Variants in UTRN observed in about 807,000 individuals in gnomAD.
The protein encoded by UTRN is dystrophin-related protein 1.
Under a neutral mutation model 463.9 loss-of-function variants are expected in UTRN, and 283 were observed. The ratio of observed to expected loss-of-function variants is 0.61; its 90% CI spans 0.55 to 0.67. UTRN has a LOEUF of 0.67. UTRN is among the 30% of genes least tolerant of loss of function. The probability of loss-of-function intolerance (pLI) is 0.00; values close to 1 mark genes in which losing one functional copy is unlikely to be tolerated. For missense variants in UTRN, 3,922 were observed against 4,084.3 expected (o/e 0.96, Z 1.08); for synonymous variants, 1,442 against 1,431.5 (o/e 1.01, Z -0.17).
At chr6:144,547,247 A>G (rs1798499133) in intron 46 of UTRN, among the ~76,000 whole-genome samples, 1 of 151,974 alleles carries the variant, frequency 6.6e-6, no homozygotes, top group Admixed American at 6.6e-5. Context: ...ATGATTTTTT[A>G]AGTTTTAGAA....
chr6:144,643,195 G>T (rs1013428848), intron 51 of UTRN, among the ~76,000 whole-genome samples: 16 of 152,152 alleles, frequency 1.1e-4, no homozygotes, highest in African/African-American at 3.9e-4. Context: ...ATCAGAAAAT[G>T]ATGGAGACTA....
At chr6:144,402,405 C>A (rs1041004221) in intron 2 of UTRN, among the ~76,000 whole-genome samples, 1 of 152,118 alleles carries the variant, frequency 6.6e-6, no homozygotes, top group African/African-American at 2.4e-5. Flanking sequence ...ACATGGACTC[C>A]TTGTATGTAA....
At chr6:144,589,862 T>C (rs1202012179) in intron 51 of UTRN, among the ~76,000 whole-genome samples, 2 of 152,002 alleles carry the variant, frequency 1.3e-5, no homozygotes, top group Admixed American at 6.6e-5. Context: ...AGCTTTTTTT[T>C]TTTCTTTTTT....
intron 2 of UTRN, among the ~76,000 whole-genome samples, chr6:144,316,157 C>T (rs906185412): frequency 3.3e-5 from 5 of 152,128 alleles, no homozygotes; most frequent in Non-Finnish European, 7.4e-5. Flanking sequence ...CGAGACTAGG[C>T]TGGGAAACAC....
At chr6:144,592,714 G>A (rs1366600417) in intron 51 of UTRN, among the ~76,000 whole-genome samples, 1 of 152,122 alleles carries the variant, frequency 6.6e-6, no homozygotes, top group African/African-American at 2.4e-5. Flanking sequence ...ATCTTGCAAG[G>A]TAGCACCTGT....
chr6:144,817,120 A>C (rs983815330), intron 65 of UTRN, among the ~76,000 whole-genome samples: 2 of 152,158 alleles, frequency 1.3e-5, no homozygotes, highest in East Asian at 1.9e-4. Flanking sequence ...ACTTGGTTGG[A>C]GTCCATCAAA....
chr6:144,291,694 T>C (rs1338518578), intron 1 of UTRN, 43 bp from the exon 2 acceptor site: 3 of 602,332 alleles, frequency 5.0e-6, no homozygotes, highest in East Asian at 6.4e-5. Flanking sequence ...ATAAAATATA[T>C]AAATACATTT....
Position 144,835,948 on chromosome 6 carries a change from G to A in UTRN, c.9824+10G>A. ...TGGAGGAAGAACAAAGGTGTGCTAG[G>A]CCTGGGAGAAGGAAATATGTCATCC... is the stretch of plus-strand genomic sequence containing the variant. On this transcript the variant is annotated intron_variant, in intron 70 of 74. Transcript: ENST00000367545. 1.2e-6 allele frequency: 2 copies of A among 1,612,740 alleles called. No individual in the cohort carries two copies. The highest frequency in any genetic ancestry group is 2.2e-5 in the South Asian group (2 of 90,786).
At chr6:144,613,402 G>A (rs914305419) in intron 51 of UTRN, among the ~76,000 whole-genome samples, 3 of 152,010 alleles carry the variant, frequency 2.0e-5, no homozygotes, top group African/African-American at 7.2e-5. Flanking sequence ...GAAATGACAG[G>A]TAAGCAAGGA....
intron 51 of UTRN, among the ~76,000 whole-genome samples, chr6:144,579,189 C>G (rs1397335919): frequency 6.6e-6 from 1 of 152,182 alleles, no homozygotes; most frequent in Non-Finnish European, 1.5e-5. Context: ...AAAATTAAAT[C>G]TGTTCCTTTG....
At chr6:144,676,516 G>T (rs994405787) in intron 51 of UTRN, among the ~76,000 whole-genome samples, 16 of 148,178 alleles carry the variant, frequency 1.1e-4, no homozygotes, top group Non-Finnish European at 2.4e-4. Context: ...TTGCTGACAC[G>T]TTAAAAGTTT....
intron 3 of UTRN, among the ~76,000 whole-genome samples, chr6:144,412,367 TTAAC>T (rs561673472): frequency 8.5e-5 from 13 of 152,272 alleles, no homozygotes; most frequent in Middle Eastern, 3.4e-3. Context: ...TATATTATCA[TTAAC>T]TAAGATGATG....
intron 12 of UTRN, 99 bp from the exon 13 acceptor site, chr6:144,440,253 C>G: frequency 1.7e-6 from 2 of 1,201,846 alleles, no homozygotes. Flanking sequence ...AAATATGATG[C>G]CTCATTAACT....
At chr6:144,768,956 TTG>T (rs202161022) in intron 58 of UTRN, among the ~76,000 whole-genome samples, 1,897 of 134,814 alleles carry the variant, frequency 0.014, 49 homozygotes, top group African/African-American at 0.037. Context: ...TTGTTTTGTT[TTG>T]TTTTTTTTTT....
rs1331620221 is a variant in UTRN at position 144,490,041 on chromosome 6, C to T, written c.4135-30C>T. On this transcript the variant is annotated intron_variant, in intron 30 of 74. Coordinates refer to ENST00000367545, the MANE Select transcript of UTRN (RefSeq NM_007124.3). ...TTATACTTAAGTAAAAAAAAAAGGA[C>T]ATCCTCTCCCCTTTCCAATCTCTTT... 5 of 1,588,184 alleles carry T rather than the reference C, an allele frequency of 3.1e-6. No homozygotes were observed. The East Asian group carries it at 1.1e-4, about 36-fold the overall frequency.
intron 69 of UTRN, among the ~76,000 whole-genome samples, chr6:144,833,657 A>G (rs1780859695): frequency 6.6e-6 from 1 of 152,086 alleles, no homozygotes; most frequent in Non-Finnish European, 1.5e-5. Flanking sequence ...TCCTATCCAT[A>G]TGTTAGAGCT....
chr6:144,499,338 T>G lies in UTRN; in HGVS notation c.4675T>G (p.Trp1559Gly). The G allele has an allele frequency of 6.2e-7, 1 of 1,614,022 alleles. No individual in the cohort carries two copies. The highest frequency in any genetic ancestry group is 8.5e-7 in the Non-Finnish European group (1 of 1,179,918). ...MKKEAASLSE[W>G]LSATETELVQ... ...GAAAGAGGCTGCTTCTCTCTCTGAA[T>G]GGCTTTCTGCTACTGAAACTGAATT... The change falls in exon 34 of 75, where the codon TGG (tryptophan) becomes GGG (glycine). Residue 1559 changes from tryptophan to glycine, a missense_variant. This residue lies in a region of UTRN where 2,349 missense variants were observed against 2,303.8 expected (regional missense o/e 1.02). Transcript: ENST00000367545.
At chr6:144,380,980 T>C (rs9496948) in intron 2 of UTRN, among the ~76,000 whole-genome samples, 25,334 of 151,990 alleles carry the variant, frequency 0.17, 4,340 homozygotes, top group African/African-American at 0.44. Flanking sequence ...TCCTTTCTTT[T>C]TTTCTTTCTT....
At position 144,482,285 on chromosome 6, in the gene UTRN, A is replaced by G. The variant is rs750450327; in HGVS notation, c.3584A>G (p.Lys1195Arg). 63 of 1,609,952 alleles carry G rather than the reference A, an allele frequency of 3.9e-5. No homozygotes were observed. Among genetic ancestry groups the G allele is most frequent in the Non-Finnish European group, 5.0e-5 (59 of 1,179,022 alleles). ...LKDNIKLLAA[K>R]VPSGGQELTS... ...GACAACATCAAGTTATTAGCTGCCAAGGTGCCCTCTGGTGGCCAGGAGTTG... is the reference window on the plus strand; with the variant it reads ...GACAACATCAAGTTATTAGCTGCCAGGGTGCCCTCTGGTGGCCAGGAGTTG... Residue 1195 changes from lysine (K) to arginine (R), a missense_variant, in exon 27 of 75, where the codon AAG becomes AGG. Lys to Arg is a conservative substitution (Grantham distance 26). This residue lies in a region of UTRN where 2,349 missense variants were observed against 2,303.8 expected (regional missense o/e 1.02). Transcript: ENST00000367545.
Sources: allele counts gnomAD v4.1 joint callset (sites outside exome capture counted in the v4.1 genomes callset), GRCh38; gene constraint gnomAD v4.1.1; regional missense constraint gnomAD v4.1.1; transcripts MANE v1.5; gene names NCBI Gene and HGNC (gene_info 2026-07-23, HGNC 2026-07-21).